Variants in PEX5L observed in about 807,000 individuals in gnomAD.
The protein encoded by PEX5L is PEX5-related protein.
A neutral mutation model predicts 84.0 loss-of-function variants in PEX5L; 30 were observed. The observed-to-expected ratio is 0.36, with a 90% confidence interval of 0.27 to 0.48. The LOEUF (loss-of-function observed/expected upper bound fraction) is 0.48, where lower values mean the gene tolerates loss of function less well. PEX5L is among the 20% of genes least tolerant of loss of function. The pLI is 0.99. For synonymous variants in PEX5L, 270 were observed against 283.1 expected, an observed-to-expected ratio of 0.95 and a Z score of 0.46; for missense variants, 533 against 754.6, an observed-to-expected ratio of 0.71 and a Z score of 3.44.
intron 1 of PEX5L, among the ~76,000 whole-genome samples, chr3:179,987,242 A>C: frequency 1.6e-4 from 22 of 141,542 alleles, no homozygotes; most frequent in East Asian, 4.3e-4. Context: ...CCCTCCCTTC[A>C]TTTCCCTCCC....
At chr3:179,973,864 A>G in intron 1 of PEX5L, 1 of 985,406 alleles carries the variant, frequency 1.0e-6, no homozygotes, top group Non-Finnish European at 1.2e-6. Context: ...CTGGTTTTGT[A>G]CTTAAACCTC....
rs1305987779 is a variant in PEX5L at position 179,795,608 on chromosome 3, T to A, written c.*6220A>T. On this transcript the variant is annotated 3_prime_UTR_variant, in exon 15 of 15. Coordinates refer to ENST00000467460, the MANE Select transcript of PEX5L (RefSeq NM_016559.3). ...CATTAATTTACTATAGGTCACTTAATTTGAATTGGTATTAATTTAGTAACG... is the reference window on the plus strand; with the variant it reads ...CATTAATTTACTATAGGTCACTTAAATTGAATTGGTATTAATTTAGTAACG... The A allele has an allele frequency of 6.6e-6, 1 of 152,084 alleles. No homozygotes were observed. The highest frequency in any genetic ancestry group is 2.4e-5 in the African/African-American group (1 of 41,404). 9.4% of individuals were successfully genotyped at this position (152,084 alleles called of 1,614,324 possible).
At chr3:179,941,889 T>C (rs1211574994) in intron 2 of PEX5L, among the ~76,000 whole-genome samples, 1 of 150,866 alleles carries the variant, frequency 6.6e-6, no homozygotes, top group East Asian at 1.9e-4. Flanking sequence ...GGCGTGGTGG[T>C]GGGCGCCTGT....
chr3:179,814,205 A>G (rs186641514), intron 10 of PEX5L, among the ~76,000 whole-genome samples: 42 of 152,276 alleles, frequency 2.8e-4, no homozygotes, highest in Admixed American at 2.7e-3. Context: ...TGAACAAGAT[A>G]TTACAAGATT....
chr3:180,008,513 C>T (rs1342635572), intron 1 of PEX5L, among the ~76,000 whole-genome samples: 1 of 152,180 alleles, frequency 6.6e-6, no homozygotes, highest in African/African-American at 2.4e-5. Flanking sequence ...TTCAGAAACA[C>T]CCCACTCCTG....
rs757011089 is a variant in PEX5L, at chr3:179,811,842, C to T, written c.1113G>A (p.Ala371=). The change falls in exon 11 of 15, where the codon GCG becomes GCA. Residue 371 remains alanine, a synonymous_variant. Coordinates refer to ENST00000467460, the MANE Select transcript of PEX5L (RefSeq NM_016559.3). ...TAGCTGCTTGTTCATTTTCATTCTCCGCCTGGGTTATCCCGAGGAACTGCC... is the reference window on the plus strand; with the variant it reads ...TAGCTGCTTGTTCATTTTCATTCTCTGCCTGGGTTATCCCGAGGAACTGCC... ...EAWQFLGITQ[A]ENENEQAAIV... 4.0e-5 allele frequency: 65 copies of T among 1,613,862 alleles called. No homozygotes were observed. The South Asian group carries it at 5.1e-4, about 13-fold the overall frequency.
intron 2 of PEX5L, among the ~76,000 whole-genome samples, chr3:179,940,360 T>C (rs972496820): frequency 2.2e-4 from 33 of 150,912 alleles, no homozygotes. Context: ...AAGAGTGAAA[T>C]TGAATTGAGC....
chr3:179,922,864 C>A (rs1344121007), intron 2 of PEX5L, among the ~76,000 whole-genome samples: 1 of 152,112 alleles, frequency 6.6e-6, no homozygotes, highest in African/African-American at 2.4e-5. Context: ...CTTCATAATT[C>A]ATGTAGAAAG....
intron 3 of PEX5L, among the ~76,000 whole-genome samples, chr3:179,888,875 G>C (rs10433359): frequency 0.18 from 26,720 of 151,588 alleles, 2,537 homozygotes; most frequent in South Asian, 0.32. Context: ...AGCTATCCTC[G>C]CATCTCAGTA....
chr3:180,000,702 CCT>C (rs1246935109), intron 1 of PEX5L, among the ~76,000 whole-genome samples: 1 of 151,706 alleles, frequency 6.6e-6, no homozygotes, highest in Non-Finnish European at 1.5e-5. Flanking sequence ...GATTTTATTT[CCT>C]TTTTCCCTTA....
intron 3 of PEX5L, among the ~76,000 whole-genome samples, chr3:179,889,206 T>C (rs1756867525): frequency 6.6e-6 from 1 of 152,324 alleles, no homozygotes; most frequent in Admixed American, 6.5e-5. Flanking sequence ...CGCTACATTG[T>C]TTCTCTGGCA....
chr3:179,897,797 T>G (rs1158088018), intron 3 of PEX5L, among the ~76,000 whole-genome samples: 2 of 152,168 alleles, frequency 1.3e-5, no homozygotes, highest in African/African-American at 4.8e-5. Flanking sequence ...GATTTTTTTT[T>G]GTTCAAATGT....
chr3:180,013,244 A>T (rs1288367781), intron 1 of PEX5L, among the ~76,000 whole-genome samples: 2 of 152,232 alleles, frequency 1.3e-5, no homozygotes, highest in Non-Finnish European at 2.9e-5. Context: ...ATGTTAAAGC[A>T]TTAAATGCAA....
At position 180,001,307 on chromosome 3, in the gene PEX5L, A is replaced by T. The variant is rs527553997; in HGVS notation, c.22-29642T>A. ...GATCATGTGAGTTAATACTTAATAAACTCCCCTTTATATTCATATATATAT... is the reference window on the plus strand; with the variant it reads ...GATCATGTGAGTTAATACTTAATAATCTCCCCTTTATATTCATATATATAT... On this transcript the variant is annotated intron_variant, in intron 1 of 14. Coordinates refer to ENST00000467460, the MANE Select transcript of PEX5L (RefSeq NM_016559.3). 4.0e-4 allele frequency among the ~76,000 whole-genome samples: 60 copies of T among 148,428 alleles called. 1 individual carries two copies. The highest frequency in any genetic ancestry group is 2.1e-4 in the Non-Finnish European group (14 of 67,358).
chr3:179,882,511 G>A (rs544017721), intron 4 of PEX5L, among the ~76,000 whole-genome samples: 1 of 152,318 alleles, frequency 6.6e-6, no homozygotes, highest in East Asian at 1.9e-4. Context: ...AGGTGGCTTG[G>A]AGGTCGAATG....
intron 4 of PEX5L, among the ~76,000 whole-genome samples, chr3:179,886,147 T>G (rs1439437953): frequency 6.6e-6 from 1 of 152,170 alleles, no homozygotes; most frequent in East Asian, 1.9e-4. Flanking sequence ...AATTGGAGCA[T>G]GAAGAGGAAG....
chr3:180,034,828 C>T (rs1479867629), intron 1 of PEX5L, among the ~76,000 whole-genome samples: 1 of 152,028 alleles, frequency 6.6e-6, no homozygotes, highest in Admixed American at 6.5e-5. Flanking sequence ...AAGCAAAAGA[C>T]ATTAAGTTGG....
At chr3:179,919,099 T>A (rs995760609) in intron 2 of PEX5L, among the ~76,000 whole-genome samples, 1 of 152,224 alleles carries the variant, frequency 6.6e-6, no homozygotes, top group African/African-American at 2.4e-5. Flanking sequence ...GGATTGTTTT[T>A]TGTGTACATC....
intron 8 of PEX5L, among the ~76,000 whole-genome samples, chr3:179,834,651 T>C (rs1386334945): frequency 6.6e-6 from 1 of 152,090 alleles, no homozygotes; most frequent in Non-Finnish European, 1.5e-5. Flanking sequence ...AAACTCTAAA[T>C]TGTGAATATG....
Sources: allele counts gnomAD v4.1 joint callset (sites outside exome capture counted in the v4.1 genomes callset), GRCh38; gene constraint gnomAD v4.1.1; transcripts MANE v1.5; gene names NCBI Gene and HGNC (gene_info 2026-07-23, HGNC 2026-07-21).